The following TTC6 variants were observed in gnomAD, a reference collection of about 807,000 sequenced individuals.
TTC6 encodes the protein tetratricopeptide repeat protein 6.
A neutral mutation model predicts 210.4 loss-of-function variants in TTC6; 172 were observed. The ratio of observed to expected loss-of-function variants is 0.82; its 90% confidence interval spans 0.72 to 0.93. The LOEUF (loss-of-function observed/expected upper bound fraction) is 0.93. TTC6 is among the 40% of genes least tolerant of loss of function. The probability of loss-of-function intolerance (pLI) is 0.00; values close to 1 mark genes in which losing one functional copy is unlikely to be tolerated. For synonymous variants in TTC6, 804 were observed against 819.6 expected, an observed-to-expected ratio of 0.98 and a Z score of 0.32; for missense variants, 2,414 against 2,318.1, an observed-to-expected ratio of 1.04 and a Z score of -0.85.
intron 5 of TTC6, among the ~76,000 whole-genome samples, chr14:37,707,109 A>G (rs1243921078): frequency 6.6e-6 from 1 of 152,044 alleles, no homozygotes; most frequent in Non-Finnish European, 1.5e-5. Context: ...CTTGTGATAC[A>G]GAAATCTGAA....
intron 29 of TTC6, among the ~76,000 whole-genome samples, chr14:37,839,501 T>C (rs963208843): frequency 7.2e-5 from 11 of 152,214 alleles, no homozygotes; most frequent in African/African-American, 2.7e-4. Flanking sequence ...TTGTTTGTTT[T>C]TTTCTTGTAA....
chr14:37,764,089 A>T (rs937090507), intron 14 of TTC6, among the ~76,000 whole-genome samples: 1 of 151,914 alleles, frequency 6.6e-6, no homozygotes, highest in Non-Finnish European at 1.5e-5. Context: ...GAATTTCCCA[A>T]ATTTTCTTCT....
At chr14:37,653,984 A>G (rs2095717451) in intron 1 of TTC6, among the ~76,000 whole-genome samples, 1 of 152,172 alleles carries the variant, frequency 6.6e-6, no homozygotes, top group Non-Finnish European at 1.5e-5. Context: ...TTCCTTTTAT[A>G]TATTTGTCCC....
At chr14:37,789,861 ATTTT>A (rs2096075573) in intron 15 of TTC6, among the ~76,000 whole-genome samples, 2 of 152,016 alleles carry the variant, frequency 1.3e-5, no homozygotes, top group South Asian at 4.2e-4. Context: ...TACCGTGAAT[ATTTT>A]TGTCCTAGAC....
At chr14:37,701,550 A>T (rs185208219) in intron 5 of TTC6, 24 bp downstream of exon 7, 9 of 1,422,688 alleles carry the variant, frequency 6.3e-6, no homozygotes, top group Non-Finnish European at 9.2e-7. Context: ...TGGTAATTTG[A>T]TTTTAAGCTA....
intron 25 of TTC6, 71 bp downstream of exon 27, chr14:37,812,504 A>G (rs768799113): frequency 5.0e-6 from 7 of 1,410,064 alleles, no homozygotes; most frequent in South Asian, 3.3e-5. Context: ...ACAAGATTTT[A>G]TTATTATCAA....
intron 3 of TTC6, among the ~76,000 whole-genome samples, chr14:37,696,136 A>G (rs1400868244): frequency 6.6e-6 from 1 of 152,166 alleles, no homozygotes; most frequent in Admixed American, 6.6e-5. Context: ...CCTACCTAAC[A>G]TAAAAAAATT....
At chr14:37,819,146 A>G (rs2096149548) in intron 26 of TTC6, among the ~76,000 whole-genome samples, 1 of 152,214 alleles carries the variant, frequency 6.6e-6, no homozygotes, top group Non-Finnish European at 1.5e-5. Flanking sequence ...TAGAATTTAA[A>G]TCAGCTGTAA....
chr14:37,818,596 T>A (rs2096147926), intron 26 of TTC6, among the ~76,000 whole-genome samples: 2 of 152,124 alleles, frequency 1.3e-5, no homozygotes, highest in Non-Finnish European at 2.9e-5. Flanking sequence ...GAAATTGACA[T>A]CCTTTTCTCT....
chr14:37,764,948 T>C (rs1332285294), intron 14 of TTC6, among the ~76,000 whole-genome samples: 1 of 101,968 alleles, frequency 9.8e-6, no homozygotes, highest in Non-Finnish European at 2.1e-5. Flanking sequence ...TTTTAATTGA[T>C]TTTTTTCTAC....
At chr14:37,839,906 T>C (rs2096206229) in intron 29 of TTC6, among the ~76,000 whole-genome samples, 1 of 152,338 alleles carries the variant, frequency 6.6e-6, no homozygotes, top group African/African-American at 2.4e-5. Flanking sequence ...AAATAGGGAA[T>C]CCTTTCCCCA....
At chr14:37,795,512 G>A (rs551226064) in intron 18 of TTC6, among the ~76,000 whole-genome samples, 160 bp downstream of exon 20, 7 of 152,226 alleles carry the variant, frequency 4.6e-5, no homozygotes, top group African/African-American at 1.7e-4. Flanking sequence ...GTTAAACTTT[G>A]AGATAGTTTA....
In TTC6 at chr14:37,791,971, A is replaced by T. The variant is rs1353048574; in HGVS notation, c.3558-293A>T. Among the ~76,000 whole-genome samples the T allele has an allele frequency of 3.3e-5, 5 of 152,280 alleles. No individual in the cohort carries two copies. In the East Asian group the frequency reaches 9.7e-4, roughly 29 times the overall value. On this transcript the variant is annotated intron_variant, in intron 16 of 30. Coordinates refer to ENST00000553443, the Ensembl canonical transcript of TTC6. The stretch of plus-strand genomic sequence containing the variant: ...AGAAAAACTAAGCTTGTGACTCAAG[A>T]TAACGGAAAGGTAAATCAAAGAAGA...
chr14:37,754,854 G>A (rs1214336798), intron 14 of TTC6, among the ~76,000 whole-genome samples: 1 of 152,106 alleles, frequency 6.6e-6, no homozygotes, highest in East Asian at 1.9e-4. Flanking sequence ...TGTAAATATT[G>A]CTGCAGTAAA....
At chr14:37,720,440 T>C (rs2095859584) in intron 6 of TTC6, 1 of 151,934 alleles carries the variant, frequency 6.6e-6, no homozygotes, top group Non-Finnish European at 1.5e-5. Flanking sequence ...GCTTTATTAA[T>C]AGAAGCCAAA....
At position 37,622,292 on chromosome 14, in the gene TTC6, C is replaced by G; in HGVS notation, c.228C>G (p.Tyr76Ter). 1 of 1,534,990 alleles carries G rather than the reference C, an allele frequency of 6.5e-7. No individual in the cohort carries two copies. The highest frequency in any genetic ancestry group is 8.7e-7 in the Non-Finnish European group (1 of 1,146,376). The change falls in exon 1 of 31, where the codon TAC becomes TAG. Residue 76 changes from tyrosine to a stop codon, truncating the protein, a stop_gained. Transcript: ENST00000553443. LOFTEE classifies it high-confidence loss of function. The stretch of plus-strand genomic sequence containing the variant: ...CCGCAGCCCGGACGTCGAGAAGATA[C>G]CCTTCGCTTAAAGGCCCTGCGATGT...
At chr14:37,603,781 C>G (rs1012122968) in intron 1 of TTC6, among the ~76,000 whole-genome samples, 1 of 152,202 alleles carries the variant, frequency 6.6e-6, no homozygotes, top group Non-Finnish European at 1.5e-5. Flanking sequence ...ACTCATTAGA[C>G]AAACTCCATT....
intron 14 of TTC6, among the ~76,000 whole-genome samples, chr14:37,758,111 G>A (rs1433521579): frequency 3.9e-5 from 6 of 152,028 alleles, no homozygotes; most frequent in African/African-American, 1.2e-4. Flanking sequence ...TATGTGGTCC[G>A]TTTTAGAATA....
Position 37,737,690 on chromosome 14 carries a change from G to T in TTC6, c.1939G>T (p.Glu647Ter). ...CTTACCAAGAAAATCTGCATCATTTGAAAGTATCCAAAAATGGTTTAGTGC... is the reference window on the plus strand; with the variant it reads ...CTTACCAAGAAAATCTGCATCATTTTAAAGTATCCAAAAATGGTTTAGTGC... Residue 647 changes from glutamate (E) to a stop codon, truncating the protein, a stop_gained, in exon 9 of 31, where the codon GAA becomes TAA. Coordinates refer to ENST00000553443, the Ensembl canonical transcript of TTC6. LOFTEE classifies it high-confidence loss of function. 1 of 1,524,018 alleles carries T rather than the reference G, an allele frequency of 6.6e-7. No homozygotes were observed. The highest frequency in any genetic ancestry group is 8.8e-7 in the Non-Finnish European group (1 of 1,140,130). 94.4% of individuals were successfully genotyped at this position (1,524,018 alleles called of 1,614,324 possible).
Sources: gnomAD v4.1 joint callset for allele counts (sites outside exome capture counted in the v4.1 genomes callset) on GRCh38, gnomAD v4.1.1 for gene constraint, MANE v1.5 for transcripts, NCBI Gene and HGNC (gene_info 2026-07-23, HGNC 2026-07-21) for gene names.